The following FBXL17 variants were observed in gnomAD, a reference collection of about 807,000 sequenced individuals.
FBXL17 encodes the protein F-box/LRR-repeat protein 17.
In FBXL17, 22 loss-of-function variants were observed where a neutral mutation model predicts 66.2. The ratio of observed to expected loss-of-function variants is 0.33; its 90% CI spans 0.24 to 0.47. The LOEUF is 0.47. Among genes scored for constraint, FBXL17 ranks in the 20% least tolerant of loss-of-function variants. The pLI is 1.00. For missense variants in FBXL17, 878 were observed against 948.2 expected, an observed-to-expected ratio of 0.93 and a Z score of 0.97; for synonymous variants, 474 against 400.5, an observed-to-expected ratio of 1.18 and a Z score of -2.19.
At chr5:108,372,805 A>G (rs1042582390) in intron 1 of FBXL17, among the ~76,000 whole-genome samples, 2 of 152,216 alleles carry the variant, frequency 1.3e-5, no homozygotes, top group African/African-American at 4.8e-5. Flanking sequence ...AGGGGATCAG[A>G]CAGTGGCTTA....
At chr5:108,005,052 T>C (rs10515383) in intron 7 of FBXL17, among the ~76,000 whole-genome samples, 2,581 of 151,942 alleles carry the variant, frequency 0.017, 72 homozygotes, top group African/African-American at 0.059. Flanking sequence ...GTGTTCCCAA[T>C]AGTAGCAAAG....
At chr5:108,214,570 C>T (rs1319913161) in intron 5 of FBXL17, among the ~76,000 whole-genome samples, 1 of 151,998 alleles carries the variant, frequency 6.6e-6, no homozygotes. Context: ...CAGCATTTCA[C>T]CATATTGGCC....
Position 107,946,464 on chromosome 5 carries a change from T to C in FBXL17, c.1823-65285A>G, listed in dbSNP as rs147994050. 3.8e-3 allele frequency among the ~76,000 whole-genome samples: 560 copies of C among 146,176 alleles called. 3 individuals are homozygous for C. Among genetic ancestry groups the C allele is most frequent in the African/African-American group, 0.013 (540 of 40,012 alleles). On this transcript the variant is annotated intron_variant, in intron 7 of 8. Transcript: ENST00000542267. ...TGCCACCACACCTGCCAATTATTAT[T>C]ATTATTATTATTATTATTATTTTGT...
rs1297842740 is a variant in FBXL17 at position 108,070,818 on chromosome 5, G to T, written c.1746-49817C>A. Among the ~76,000 whole-genome samples the T allele has an allele frequency of 5.9e-5, 9 of 152,298 alleles. No individual in the cohort carries two copies. The East Asian group carries it at 9.7e-4, about 16-fold the overall frequency. ...GAGCATAAAGGCCCTCTAAAGTAGA[G>T]AGGCCTAAACCCAGAATACCCACTA... On this transcript the variant is annotated intron_variant, in intron 6 of 8. Transcript: ENST00000542267.
intron 5 of FBXL17, among the ~76,000 whole-genome samples, chr5:108,192,293 G>A (rs1302524259): frequency 6.6e-6 from 1 of 152,128 alleles, no homozygotes; most frequent in Non-Finnish European, 1.5e-5. Context: ...CAGAGGATTT[G>A]AATAAGCAAA....
intron 6 of FBXL17, among the ~76,000 whole-genome samples, chr5:108,135,449 CT>C (rs1751096500): frequency 1.3e-5 from 2 of 152,134 alleles, no homozygotes; most frequent in Non-Finnish European, 2.9e-5. Flanking sequence ...ACCACCTTAA[CT>C]AATATCCTTG....
intron 6 of FBXL17, among the ~76,000 whole-genome samples, chr5:108,086,210 A>G (rs1348942278): frequency 1.3e-5 from 2 of 152,000 alleles, no homozygotes; most frequent in Non-Finnish European, 2.9e-5. Context: ...AAACCTAGAA[A>G]GGTCACAGTC....
chr5:108,285,249 A>G (rs2150154848), intron 4 of FBXL17, among the ~76,000 whole-genome samples: 1 of 151,914 alleles, frequency 6.6e-6, no homozygotes, highest in African/African-American at 2.4e-5. Flanking sequence ...AACCCCTCAA[A>G]GTCATTCAAG....
chr5:107,869,032 T>A (rs1373748809), intron 8 of FBXL17, among the ~76,000 whole-genome samples: 1 of 152,210 alleles, frequency 6.6e-6, no homozygotes, highest in East Asian at 1.9e-4. Flanking sequence ...TGGACCCCTT[T>A]ATTTGCAGGT....
chr5:108,020,834 T>A (rs1580338263), intron 7 of FBXL17, 91 bp downstream of exon 7: 2 of 906,026 alleles, frequency 2.2e-6, no homozygotes, highest in South Asian at 1.4e-5. Context: ...ACAGTCTCTA[T>A]GATATAGTTC....
intron 7 of FBXL17, among the ~76,000 whole-genome samples, chr5:107,923,954 C>G (rs1198087438): frequency 6.7e-6 from 1 of 150,296 alleles, no homozygotes; most frequent in African/African-American, 2.5e-5. Context: ...CTGAAGACAA[C>G]TAAACTGGAT....
intron 1 of FBXL17, among the ~76,000 whole-genome samples, chr5:108,380,043 A>G (rs1749732512): frequency 1.3e-5 from 2 of 152,204 alleles, no homozygotes; most frequent in Admixed American, 1.3e-4. Context: ...GTGACCTTGC[A>G]CAAGTCATTC....
chr5:108,105,622 C>T (rs1023277930), intron 6 of FBXL17, among the ~76,000 whole-genome samples: 3 of 152,190 alleles, frequency 2.0e-5, no homozygotes, highest in Non-Finnish European at 4.4e-5. Flanking sequence ...ATAGTCATCT[C>T]TTAATTATTC....
At chr5:107,896,189 T>C (rs764622008) in intron 7 of FBXL17, among the ~76,000 whole-genome samples, 9 of 152,172 alleles carry the variant, frequency 5.9e-5, no homozygotes, top group Non-Finnish European at 1.0e-4. Context: ...GTATCCCGCA[T>C]CATTATTTCG....
chr5:108,250,739 T>A (rs1429962736), intron 4 of FBXL17, among the ~76,000 whole-genome samples: 1 of 152,098 alleles, frequency 6.6e-6, no homozygotes, highest in Non-Finnish European at 1.5e-5. Context: ...AGGCAAACAC[T>A]GTTATGTTTC....
At chr5:108,233,964 C>T (rs1325232327) in intron 4 of FBXL17, among the ~76,000 whole-genome samples, 1 of 151,870 alleles carries the variant, frequency 6.6e-6, no homozygotes, top group African/African-American at 2.4e-5. Context: ...CCTGTGAGAT[C>T]AAATGTAGGG....
At chr5:108,214,872 T>A (rs1754533749) in intron 5 of FBXL17, among the ~76,000 whole-genome samples, 1 of 152,210 alleles carries the variant, frequency 6.6e-6, no homozygotes, top group African/African-American at 2.4e-5. Flanking sequence ...ATCACCAATA[T>A]CTAATTTCAG....
chr5:108,251,347 A>T (rs993796308), intron 4 of FBXL17, among the ~76,000 whole-genome samples: 1 of 151,990 alleles, frequency 6.6e-6, no homozygotes, highest in Non-Finnish European at 1.5e-5. Context: ...AAACCTTCTC[A>T]TATGTTTATT....
At chr5:108,150,068 C>T (rs1245761236) in intron 6 of FBXL17, among the ~76,000 whole-genome samples, 5 of 152,090 alleles carry the variant, frequency 3.3e-5, no homozygotes, top group Non-Finnish European at 7.4e-5. Flanking sequence ...CTTCATTGCT[C>T]TCTCTCATCA....
Sources: gnomAD v4.1 joint callset for allele counts (sites outside exome capture counted in the v4.1 genomes callset) on GRCh38, gnomAD v4.1.1 for gene constraint, MANE v1.5 for transcripts, NCBI Gene and HGNC (gene_info 2026-07-23, HGNC 2026-07-21) for gene names.